The following TCERG1L variants were observed in gnomAD, a reference collection of about 807,000 sequenced individuals.
TCERG1L encodes the protein transcription elongation regulator 1 like.
TCERG1L carries 37 observed loss-of-function variants against 56.3 expected under a neutral mutation model. That is an observed-to-expected ratio of 0.66 (90% confidence interval 0.51 to 0.87). TCERG1L has a LOEUF of 0.87. TCERG1L is among the 40% of genes least tolerant of loss of function. The pLI is 0.00. For missense variants in TCERG1L, 799 were observed against 774.2 expected, an observed-to-expected ratio of 1.03 and a Z score of -0.38; for synonymous variants, 324 against 326.3, an observed-to-expected ratio of 0.99 and a Z score of 0.08.
intron 3 of TCERG1L, among the ~76,000 whole-genome samples, chr10:131,268,616 G>A (rs1444674902): frequency 6.6e-6 from 1 of 152,198 alleles, no homozygotes; most frequent in Non-Finnish European, 1.5e-5. Context: ...AATCTCTTCT[G>A]TAGTGTAGCC....
intron 4 of TCERG1L, among the ~76,000 whole-genome samples, chr10:131,196,346 T>C (rs1845363425): frequency 6.6e-6 from 1 of 152,096 alleles, no homozygotes; most frequent in African/African-American, 2.4e-5. Context: ...GCCGCGTCGC[T>C]CAGTGACCCT....
chr10:131,156,926 G>T (rs2918146), intron 6 of TCERG1L, among the ~76,000 whole-genome samples: 133,893 of 152,148 alleles, frequency 0.88, 59,096 homozygotes, highest in East Asian at 1. Flanking sequence ...AACTCGGTGT[G>T]TTGTCTGCAG....
chr10:131,117,117 G>A (rs1845467872), intron 8 of TCERG1L, among the ~76,000 whole-genome samples, 183 bp from the exon 9 acceptor site: 1 of 152,156 alleles, frequency 6.6e-6, no homozygotes, highest in Non-Finnish European at 1.5e-5. Context: ...CAGGCACGGG[G>A]CTTGGCTGTG....
rs117459073 is a variant in TCERG1L at position 131,226,155 on chromosome 10, G to A, written c.856+34104C>T. Among the ~76,000 whole-genome samples, 559 of 152,220 alleles carry A rather than the reference G, an allele frequency of 3.7e-3. 16 individuals are homozygous for A. The East Asian group carries it at 0.069, about 19-fold the overall frequency. On this transcript the variant is annotated intron_variant, in intron 4 of 11. Transcript: ENST00000368642. Reference sequence around the variant, plus strand: ...GGAGTGTCACTAGGTTGCCTAGGCTGGTCCTGAACTCCTGGGCTCAAGCAA... The same window carrying A: ...GGAGTGTCACTAGGTTGCCTAGGCTAGTCCTGAACTCCTGGGCTCAAGCAA...
At chr10:131,190,209 C>T in intron 4 of TCERG1L, among the ~76,000 whole-genome samples, 1 of 152,100 alleles carries the variant, frequency 6.6e-6, no homozygotes, top group Non-Finnish European at 1.5e-5. Flanking sequence ...ATACAACCCT[C>T]TTAGAATAAA....
intron 6 of TCERG1L, among the ~76,000 whole-genome samples, chr10:131,157,017 G>A (rs1845930419): frequency 6.6e-6 from 1 of 152,052 alleles, no homozygotes; most frequent in Non-Finnish European, 1.5e-5. Context: ...ACCTCTTTAG[G>A]CAGAAATGCA....
intron 6 of TCERG1L, among the ~76,000 whole-genome samples, chr10:131,152,444 T>C (rs528221332): frequency 6.6e-5 from 10 of 152,312 alleles, no homozygotes; most frequent in African/African-American, 2.4e-4. Context: ...CTGGACTTCA[T>C]TGTCTATATC....
chr10:131,218,932 T>A (rs1845702249), intron 4 of TCERG1L, among the ~76,000 whole-genome samples: 1 of 152,040 alleles, frequency 6.6e-6, no homozygotes, highest in Admixed American at 6.5e-5. Flanking sequence ...GCAAATCTGG[T>A]CACAGCTCCC....
intron 9 of TCERG1L, 125 bp from the exon 10 acceptor site, chr10:131,104,479 G>C (rs116267139): frequency 3.1e-6 from 2 of 636,236 alleles, no homozygotes; most frequent in South Asian, 1.9e-5. Flanking sequence ...AATAGATTCC[G>C]TGATGTGGTG....
chr10:131,195,457 G>C (rs942644492), intron 4 of TCERG1L, among the ~76,000 whole-genome samples: 13 of 152,372 alleles, frequency 8.5e-5, no homozygotes, highest in Admixed American at 7.2e-4. Flanking sequence ...TTTCAAGGCT[G>C]ACGGCTATCC....
intron 4 of TCERG1L, among the ~76,000 whole-genome samples, chr10:131,182,749 ACC>A (rs1564809542): frequency 6.8e-6 from 1 of 147,394 alleles, no homozygotes; most frequent in African/African-American, 2.6e-5. Flanking sequence ...TGCAGTGCTC[ACC>A]TAACTGATTT....
intron 3 of TCERG1L, among the ~76,000 whole-genome samples, chr10:131,294,933 C>G (rs1226627347): frequency 6.6e-6 from 1 of 151,980 alleles, no homozygotes; most frequent in Admixed American, 6.6e-5. Context: ...CCACTGAGGC[C>G]AGATAAACGT....
chr10:131,104,519 C>A (rs1403436529), intron 9 of TCERG1L, among the ~76,000 whole-genome samples, 165 bp from the exon 10 acceptor site: 3 of 152,186 alleles, frequency 2.0e-5, no homozygotes, highest in Admixed American at 6.5e-5. Flanking sequence ...GTCAGATGCT[C>A]CAAGAAAACC....
At chr10:131,171,974 T>C (rs948533682) in intron 4 of TCERG1L, among the ~76,000 whole-genome samples, 1 of 152,242 alleles carries the variant, frequency 6.6e-6, no homozygotes, top group African/African-American at 2.4e-5. Context: ...AAAAAGTTAT[T>C]AGAAATATAT....
intron 4 of TCERG1L, among the ~76,000 whole-genome samples, chr10:131,226,871 T>C (rs890394961): frequency 2.0e-5 from 3 of 152,218 alleles, no homozygotes; most frequent in Admixed American, 6.5e-5. Flanking sequence ...AAACGAAGTA[T>C]CCTGCTTCAA....
rs112181327 is a variant in TCERG1L, at chr10:131,236,315, T to C, written c.856+23944A>G. Among the ~76,000 whole-genome samples the C allele has an allele frequency of 6.2e-3, 951 of 152,348 alleles. 8 individuals are homozygous for C. The highest frequency in any genetic ancestry group is 0.021 in the African/African-American group (891 of 41,580). ...CGTAAATTAGCTATTGCTACCTTTT[T>C]TTCCCCCAAACAATTCGATTAAAAC... On this transcript the variant is annotated intron_variant, in intron 4 of 11. Transcript: ENST00000368642.
At chr10:131,177,811 GC>G (rs1167265859) in intron 4 of TCERG1L, among the ~76,000 whole-genome samples, 1 of 151,224 alleles carries the variant, frequency 6.6e-6, no homozygotes, top group African/African-American at 2.4e-5. Context: ...CTGGATCGAT[GC>G]CCCCCATGTC....
intron 4 of TCERG1L, among the ~76,000 whole-genome samples, chr10:131,186,208 G>A (rs1845243975): frequency 6.6e-6 from 1 of 152,184 alleles, no homozygotes; most frequent in East Asian, 1.9e-4. Context: ...TGAGGGGAGG[G>A]GAAACTGGGG....
In TCERG1L at chr10:131,309,258, G is replaced by T. The variant is rs768147412; in HGVS notation, c.384C>A (p.Pro128=). 1.0e-5 allele frequency: 16 copies of T among 1,604,126 alleles called. No individual in the cohort carries two copies. The highest frequency in any genetic ancestry group is 1.4e-5 in the Non-Finnish European group (16 of 1,176,772). The change falls in exon 2 of 12, where the codon CCC becomes CCA. Residue 128 remains proline (P), a synonymous_variant. Transcript: ENST00000368642. ...CGGGCACCAGCTCCACTGTGGAAGA[G>T]GGGGGCAGTCCTAGGGACGGAGAAT... ...GGHSPSLGLP[P]SSTVELVPVF...
Sources: gnomAD v4.1 joint callset for allele counts (sites outside exome capture counted in the v4.1 genomes callset) on GRCh38, gnomAD v4.1.1 for gene constraint, MANE v1.5 for transcripts, NCBI Gene and HGNC (gene_info 2026-07-23, HGNC 2026-07-21) for gene names.